Variants in JAK3 observed in about 807,000 individuals in gnomAD.
JAK3 encodes tyrosine-protein kinase JAK3.
JAK3 carries 88 observed loss-of-function variants against 120.8 expected under a neutral mutation model. That is an observed-to-expected ratio of 0.73 (90% confidence interval 0.61 to 0.87). The LOEUF is 0.87. Ranked by LOEUF, JAK3 falls within the 40% of genes least tolerant of loss-of-function variation. JAK3 has a pLI of 0.00. For synonymous variants in JAK3, 592 were observed against 628.6 expected (o/e 0.94, Z 0.87); for missense variants, 1,254 against 1,501.4 (o/e 0.84, Z 2.72).
rs2094204661 is a variant in JAK3, at chr19:17,826,764, G to A, written c.3354C>T (p.His1118=). Residue 1118 remains histidine, a synonymous_variant, in exon 24 of 24, where the codon CAC becomes CAT. Transcript: ENST00000458235. ...GGAGCTATGAAAAGGACAGGGAGTG[G>A]TGTTTGCCCTCTGGGTGAGCAGTGA... ...HAFTAHPEGK[H]HSLSFS is the part of the protein sequence containing the mutation. 6.2e-7 allele frequency: 1 copy of A among 1,614,096 alleles called. No homozygotes were observed. Among genetic ancestry groups the A allele is most frequent in the South Asian group, 1.1e-5 (1 of 91,086 alleles).
intron 17 of JAK3, among the ~76,000 whole-genome samples, chr19:17,833,623 A>G (rs2094218447): frequency 1.3e-5 from 2 of 151,162 alleles, no homozygotes; most frequent in Non-Finnish European, 2.9e-5. Flanking sequence ...GCTGAGGTGG[A>G]CGGATCTCTT....
chr19:17,842,172 C>T lies in JAK3; in HGVS notation c.861+144G>A. 1 of 926,102 alleles carries T rather than the reference C, an allele frequency of 1.1e-6. No individual in the cohort carries two copies. The highest frequency in any genetic ancestry group is 1.6e-6 in the Non-Finnish European group (1 of 635,526). The allele number at this position is 926,102 out of a possible 1,614,324, so 57.4% of individuals were successfully genotyped here. A position where few individuals can be genotyped will look rare whatever the true frequency, so the allele number is the denominator to read the frequency against. On this transcript the variant is annotated intron_variant, in intron 6 of 23. Coordinates refer to ENST00000458235, the MANE Select transcript of JAK3 (RefSeq NM_000215.4). The surrounding 1 kb of genome is among the most constrained non-coding windows in gnomAD (Gnocchi z 6.4). ...CTCCCATTCCCGCAGTCTCCTCCCT[C>T]ACTAAGCCCCGCCCCTCATTAAGCC...
At chr19:17,847,423 C>T (rs914940178) in intron 1 of JAK3, among the ~76,000 whole-genome samples, 1 of 152,062 alleles carries the variant, frequency 6.6e-6, no homozygotes, top group Admixed American at 6.6e-5. Context: ...ATGTTTGGTC[C>T]CAGAAAACGC....
rs1450108890 is a variant in JAK3, at chr19:17,832,761, C to T, written c.2490+29G>A. On this transcript the variant is annotated intron_variant, in intron 18 of 23. Coordinates refer to ENST00000458235, the MANE Select transcript of JAK3 (RefSeq NM_000215.4). The surrounding 1 kb of genome is among the most constrained non-coding windows in gnomAD (Gnocchi z 4.7). ...GCACCTGGATGCTGCCCTGCCCTCT[C>T]CAACCCACCCTGGCCCTGCCCACCT... is the stretch of plus-strand genomic sequence containing the variant. The T allele has an allele frequency of 2.7e-5, 44 of 1,614,138 alleles. No homozygotes were observed. In the Admixed American group the frequency reaches 7.3e-4, roughly 27 times the overall value.
At chr19:17,840,955 C>CTACA (rs3212736) in intron 8 of JAK3, among the ~76,000 whole-genome samples, 6,857 of 151,890 alleles carry the variant, frequency 0.045, 519 homozygotes, top group African/African-American at 0.16. Context: ...GTCGCTGGGA[C>CTACA]TACAGGTCAA....
rs2094221720 is a variant in JAK3, at chr19:17,835,104, G to T, written c.2026C>A (p.Pro676Thr). The stretch of plus-strand genomic sequence containing the variant: ...TTACTCTCCAGGCTTAACACAGCGG[G>T]GCTGACCCCAGGGTCACTCAGCTTG... The part of the protein sequence containing the change: ...FIKLSDPGVS[P>T]AVLSLEMLTD... The change falls in exon 15 of 24, where the codon CCC becomes ACC. Residue 676 changes from proline (P) to threonine (T), a missense_variant. Pro to Thr is a conservative substitution (Grantham distance 38). Around this residue, in one of 3 missense-constraint regions of JAK3, gnomAD observed 630 missense variants for 819.8 expected, o/e 0.77. Coordinates refer to ENST00000458235, the MANE Select transcript of JAK3 (RefSeq NM_000215.4). 6.2e-7 allele frequency: 1 copy of T among 1,614,166 alleles called. No homozygotes were observed. Among genetic ancestry groups the T allele is most frequent in the Non-Finnish European group, 8.5e-7 (1 of 1,180,022 alleles).
chr19:17,844,830 G>GAAAT (rs2094248637), intron 1 of JAK3, among the ~76,000 whole-genome samples: 1 of 149,568 alleles, frequency 6.7e-6, no homozygotes, highest in Non-Finnish European at 1.5e-5. Context: ...AAGAAAGAAA[G>GAAAT]AAAGAAGGAA....
intron 17 of JAK3, among the ~76,000 whole-genome samples, chr19:17,833,859 A>T (rs2094218960): frequency 2.6e-5 from 4 of 151,782 alleles, no homozygotes; most frequent in Admixed American, 2.6e-4. Context: ...TCTCAAAAAT[A>T]TAAAATAAAA....
chr19:17,840,382 T>C (rs907667066), intron 8 of JAK3, 41 bp from the exon 9 acceptor site: 26 of 1,368,958 alleles, frequency 1.9e-5, no homozygotes, highest in Admixed American at 7.0e-5. Flanking sequence ...GAGTCAGAGA[T>C]AGAAGAAGAC....
Position 17,824,982 on chromosome 19 carries a change from A to T in JAK3, c.*1761T>A, listed in dbSNP as rs188773566. On this transcript the variant is annotated 3_prime_UTR_variant, in exon 24 of 24. Transcript: ENST00000458235. ...TGGGGGTATATGAGGGAAGGCTGCA[A>T]GGATGTGGTAGCTGGAGTTTTGAGA... The T allele has an allele frequency of 1.6e-4, 36 of 221,926 alleles. 1 individual carries two copies. In the East Asian group the frequency reaches 2.4e-3, roughly 15 times the overall value. The allele number at this position is 221,926 out of a possible 1,614,324, so 13.7% of individuals were successfully genotyped here.
At chr19:17,840,941 C>T (rs185709318) in intron 8 of JAK3, among the ~76,000 whole-genome samples, 6 of 150,868 alleles carry the variant, frequency 4.0e-5, no homozygotes, top group Non-Finnish European at 5.9e-5. Context: ...CCTCAGCCTC[C>T]GGAGTCGCTG....
Position 17,836,922 on chromosome 19 carries a change from C to G in JAK3, c.1786+207G>C, listed in dbSNP as rs909517087. 5.9e-6 allele frequency: 4 copies of G among 681,746 alleles called. No individual in the cohort carries two copies. In the South Asian group the frequency reaches 6.1e-5, roughly 10 times the overall value. The allele number at this position is 681,746 out of a possible 1,614,324, so 42.2% of individuals were successfully genotyped here. A position where few individuals can be genotyped will look rare whatever the true frequency, so the allele number is the denominator to read the frequency against. On this transcript the variant is annotated intron_variant, in intron 13 of 23. Transcript: ENST00000458235. ...CAGGTTTGTCTGACTTCAGGTCATTCTGGGGCTGGATATGGGTGAGAACCT... is the reference window on the plus strand; with the variant it reads ...CAGGTTTGTCTGACTTCAGGTCATTGTGGGGCTGGATATGGGTGAGAACCT...
In JAK3 at chr19:17,838,001, C is replaced by A. The variant is rs779887883; in HGVS notation, c.1632G>T (p.Val544=). The change falls in exon 12 of 24, where the codon GTG becomes GTT. Residue 544 remains valine (V), a synonymous_variant. Transcript: ENST00000458235. ...KIYRGCRHEV[V]DGEARKTEVL... ...CCTCTGTCTTTCGGGCCTCCCCATC[C>A]ACCACCTCATGGCGACAGCCCCGGT... 7.2e-5 allele frequency: 116 copies of A among 1,614,022 alleles called. No individual in the cohort carries two copies. The highest frequency in any genetic ancestry group is 4.7e-4 in the Admixed American group (28 of 59,976).
chr19:17,842,329 T>C lies in JAK3; in HGVS notation c.848A>G (p.Gln283Arg). 2.1e-6 allele frequency: 3 copies of C among 1,416,064 alleles called. No individual in the cohort carries two copies. The highest frequency in any genetic ancestry group is 2.8e-6 in the Non-Finnish European group (3 of 1,063,926). The allele number at this position is 1,416,064 out of a possible 1,614,324, so 87.7% of individuals were successfully genotyped here. A position where few individuals can be genotyped will look rare whatever the true frequency, so the allele number is the denominator to read the frequency against. ...VAGDGGIAWT[Q>R]GEQEVLQPFC... ...GTCCGCCCTCACCTCCTGTTCTCCCTGGGTCCAGGCGATGCCGCCGTCACC... is the reference window on the plus strand; with the variant it reads ...GTCCGCCCTCACCTCCTGTTCTCCCCGGGTCCAGGCGATGCCGCCGTCACC... Residue 283 changes from glutamine to arginine, a missense_variant, in exon 6 of 24, where the codon CAG becomes CGG. Transcript: ENST00000458235. This position sits in a 1 kb window ranked among gnomAD's most constrained non-coding sequence, Gnocchi z 6.4.
At chr19:17,845,810 C>T (rs925808462) in intron 1 of JAK3, among the ~76,000 whole-genome samples, 16 of 151,914 alleles carry the variant, frequency 1.1e-4, no homozygotes, top group East Asian at 3.9e-4. Context: ...TGGGGTGGGG[C>T]GGCATTAATG....
chr19:17,839,961 G>A (rs996790262), intron 9 of JAK3, among the ~76,000 whole-genome samples: 17 of 151,908 alleles, frequency 1.1e-4, no homozygotes, highest in East Asian at 3.9e-4. Flanking sequence ...GGATGGTTTC[G>A]ATCTCTTGAT....
In JAK3 at chr19:17,843,644, C is replaced by A; in HGVS notation, c.308+133G>T. The A allele has an allele frequency of 7.5e-7, 1 of 1,327,900 alleles. No homozygotes were observed. The allele number at this position is 1,327,900 out of a possible 1,614,324, so 82.3% of individuals were successfully genotyped here. A position where few individuals can be genotyped will look rare whatever the true frequency, so the allele number is the denominator to read the frequency against. On this transcript the variant is annotated intron_variant, in intron 3 of 23. Transcript: ENST00000458235. This position sits in a 1 kb window ranked among gnomAD's most constrained non-coding sequence, Gnocchi z 5.4. Reference sequence around the variant, plus strand: ...TGTGTGACCTTGGGCAAGTGACCCACCCTCTCTGGTCTGTTTCCTCATCTG... The same window carrying A: ...TGTGTGACCTTGGGCAAGTGACCCAACCTCTCTGGTCTGTTTCCTCATCTG...
At chr19:17,845,444 C>T (rs971145565) in intron 1 of JAK3, among the ~76,000 whole-genome samples, 3 of 151,844 alleles carry the variant, frequency 2.0e-5, no homozygotes, top group South Asian at 2.1e-4. Flanking sequence ...TGTGAGCCAC[C>T]GCGCCTGGCC....
rs1006444804 is a variant in JAK3, at chr19:17,826,039, C to G, written c.*704G>C. 5 of 150,600 alleles carry G rather than the reference C, an allele frequency of 3.3e-5. No homozygotes were observed. Among genetic ancestry groups the G allele is most frequent in the Admixed American group, 2.0e-4 (3 of 15,100 alleles). The allele number at this position is 150,600 out of a possible 1,614,324, so 9.3% of individuals were successfully genotyped here. A position where few individuals can be genotyped will look rare whatever the true frequency, so the allele number is the denominator to read the frequency against. On this transcript the variant is annotated 3_prime_UTR_variant, in exon 24 of 24. Coordinates refer to ENST00000458235, the MANE Select transcript of JAK3 (RefSeq NM_000215.4). ...CTGTAGCCCAGGAGTTCAAGACCAG[C>G]CTGGGCAACGTAGCAAGATCCTGTC...
Sources: gnomAD v4.1 joint callset for allele counts (sites outside exome capture counted in the v4.1 genomes callset) on GRCh38, gnomAD v4.1.1 for gene constraint, gnomAD v4.1.1 regional missense constraint, Gnocchi (gnomAD v3.1) non-coding constraint, MANE v1.5 for transcripts, NCBI Gene and HGNC (gene_info 2026-07-23, HGNC 2026-07-21) for gene names.